The following PLEKHG2 variants were observed in gnomAD, a reference collection of about 807,000 sequenced individuals.
The protein encoded by PLEKHG2 is pleckstrin homology domain-containing family G member 2.
A neutral mutation model predicts 104.4 loss-of-function variants in PLEKHG2; 71 were observed. The ratio of observed to expected loss-of-function variants is 0.68; its 90% CI spans 0.56 to 0.83. The LOEUF (loss-of-function observed/expected upper bound fraction) is 0.83, where lower values mean the gene tolerates loss of function less well. PLEKHG2 is among the 40% of genes least tolerant of loss of function. The probability of loss-of-function intolerance (pLI) is 0.00; values close to 1 mark genes in which losing one functional copy is unlikely to be tolerated. For synonymous variants in PLEKHG2, 728 were observed against 737.0 expected, an observed-to-expected ratio of 0.99 and a Z score of 0.20; for missense variants, 1,730 against 1,809.4, an observed-to-expected ratio of 0.96 and a Z score of 0.80.
In PLEKHG2 at chr19:39,424,524, T is replaced by A; in HGVS notation, c.3391T>A (p.Leu1131Met). Residue 1131 changes from leucine to methionine, a missense_variant, in exon 19 of 19, where the codon TTG becomes ATG. Physicochemically the swap from Leu to Met is conservative, Grantham distance 15 (BLOSUM62 2). Transcript: ENST00000425673. ...HRIPANAPLS[L>M]SQELPDTQVP... is the part of the protein sequence containing the mutation. Reference sequence around the variant, plus strand: ...GATCCCAGCCAACGCCCCACTGTCTTTGTCCCAGGAGCTCCCAGACACTCA... The same window carrying A: ...GATCCCAGCCAACGCCCCACTGTCTATGTCCCAGGAGCTCCCAGACACTCA... The A allele has an allele frequency of 6.2e-7, 1 of 1,614,056 alleles. No individual in the cohort carries two copies. The highest frequency in any genetic ancestry group is 8.5e-7 in the Non-Finnish European group (1 of 1,180,002).
Position 39,422,814 on chromosome 19 carries a change from C to T in PLEKHG2, c.1760C>T (p.Pro587Leu), listed in dbSNP as rs542939527. 1 of 1,541,538 alleles carries T rather than the reference C, an allele frequency of 6.5e-7. No homozygotes were observed. Among genetic ancestry groups the T allele is most frequent in the South Asian group, 1.3e-5 (1 of 78,376 alleles). Residue 587 changes from proline (P) to leucine (L), a missense_variant, in exon 18 of 19, where the codon CCC becomes CTC. By Grantham distance (98) the Pro-to-Leu change is moderately conservative. Transcript: ENST00000425673. Reference sequence around the variant, plus strand: ...GAAACCCTCACATTCCAAGCCCTGCCCAGCCGGGACTCTTCAGAAGAGGAG... The same window carrying T: ...GAAACCCTCACATTCCAAGCCCTGCTCAGCCGGGACTCTTCAGAAGAGGAG... The part of the protein sequence containing the change: ...DSETLTFQAL[P>L]SRDSSEEEEE...
In PLEKHG2 at chr19:39,418,937, G is replaced by A. The variant is rs776611613; in HGVS notation, c.1197G>A (p.Lys399=). 3.7e-6 allele frequency: 6 copies of A among 1,612,802 alleles called. No individual in the cohort carries two copies. The highest frequency in any genetic ancestry group is 8.5e-7 in the Non-Finnish European group (1 of 1,179,438). The change falls in exon 11 of 19, where the codon AAG becomes AAA. Residue 399 remains lysine (K), a synonymous_variant. Transcript: ENST00000425673. ...CCTAGGCCAAGAACCAAGAAGAGAA[G>A]AGGCTGTGGATTCACTGTCTCCAGC... The part of the protein sequence containing the change: ...HLLQAKNQEE[K]RLWIHCLQRL...
rs1185202582 is a variant in PLEKHG2, at chr19:39,425,626, C to T, written c.*332C>T. 1 of 406,806 alleles carries T rather than the reference C, an allele frequency of 2.5e-6. No individual in the cohort carries two copies. Among genetic ancestry groups the T allele is most frequent in the African/African-American group, 2.1e-5 (1 of 48,648 alleles). 25.2% of individuals were successfully genotyped at this position (406,806 alleles called of 1,614,324 possible). A position where few individuals can be genotyped will look rare whatever the true frequency, so the allele number is the denominator to read the frequency against. The stretch of plus-strand genomic sequence containing the variant: ...CTGAAAGCTTGGGGAATCTCAGACT[C>T]CTTTGAGAATTATTGGAAAATGGAC... On this transcript the variant is annotated 3_prime_UTR_variant, in exon 19 of 19. Transcript: ENST00000425673.
At chr19:39,414,222 G>T in intron 2 of PLEKHG2, 27 bp downstream of exon 2, 1 of 1,545,230 alleles carries the variant, frequency 6.5e-7, no homozygotes, top group South Asian at 1.2e-5. Flanking sequence ...GGGCGGCGGA[G>T]CCTGTGGGGC....
intron 2 of PLEKHG2, 31 bp downstream of exon 2, chr19:39,414,226 G>A (rs1484797975): frequency 1.3e-6 from 2 of 1,544,390 alleles, no homozygotes; most frequent in South Asian, 1.2e-5. Context: ...GGCGGAGCCT[G>A]TGGGGCTTTT....
In PLEKHG2 at chr19:39,415,267, C is replaced by A. The variant is rs368379229; in HGVS notation, c.378+7C>A. On this transcript the variant is annotated splice_region_variant and intron_variant, in intron 3 of 18. Coordinates refer to ENST00000425673, the MANE Select transcript of PLEKHG2 (RefSeq NM_022835.3). The surrounding 1 kb of genome is among the most constrained non-coding windows in gnomAD (Gnocchi z 4.6). ...CCTCCGCAGCATCGTGGAGGTAAGG[C>A]GGGCAGACACCAGAGGGCAGTGGGT... The A allele has an allele frequency of 1.3e-6, 2 of 1,596,642 alleles. No homozygotes were observed. Among genetic ancestry groups the A allele is most frequent in the Non-Finnish European group, 1.7e-6 (2 of 1,171,144 alleles).
At position 39,423,361 on chromosome 19, in the gene PLEKHG2, C is replaced by T. The variant is rs771939642; in HGVS notation, c.2307C>T (p.Ser769=). 18 of 1,613,324 alleles carry T rather than the reference C, an allele frequency of 1.1e-5. No individual in the cohort carries two copies. The highest frequency in any genetic ancestry group is 1.1e-4 in the South Asian group (10 of 91,020). The change falls in exon 18 of 19, where the codon AGC becomes AGT. Residue 769 remains serine (S), a synonymous_variant. Transcript: ENST00000425673. ...LAFRSCSEIR[S]AWQALEQGQL... is the part of the protein sequence containing the mutation. ...TCCGCTCTTGCTCAGAAATCCGGAG[C>T]GCCTGGCAGGCATTGGAACAGGGAC...
At position 39,416,632 on chromosome 19, in the gene PLEKHG2, G is replaced by T; in HGVS notation, c.593+35G>T. ...AGGAGCCCCTGCTGGGCCTCAGGCTGTGCCCACAAGCTGATGTGCCAGTCA... is the reference window on the plus strand; with the variant it reads ...AGGAGCCCCTGCTGGGCCTCAGGCTTTGCCCACAAGCTGATGTGCCAGTCA... On this transcript the variant is annotated intron_variant, in intron 6 of 18. Transcript: ENST00000425673. This position sits in a 1 kb window ranked among gnomAD's most constrained non-coding sequence, Gnocchi z 4.5. The T allele has an allele frequency of 6.2e-7, 1 of 1,611,482 alleles. No homozygotes were observed. Among genetic ancestry groups the T allele is most frequent in the Non-Finnish European group, 8.5e-7 (1 of 1,178,080 alleles).
rs750050786 is a variant in PLEKHG2, at chr19:39,423,190, G to A, written c.2136G>A (p.Leu712=). ...AGGCTCCAGCCACCAGGAGAGAACT[G>A]TTTTCTGGGAGCAATCCTGGGAAAC... ...PAEAPATRRE[L]FSGSNPGKLG... The change falls in exon 18 of 19, where the codon CTG becomes CTA. Residue 712 remains leucine (L), a synonymous_variant. Transcript: ENST00000425673. 6.2e-7 allele frequency: 1 copy of A among 1,612,790 alleles called. No individual in the cohort carries two copies. Among genetic ancestry groups the A allele is most frequent in the South Asian group, 1.1e-5 (1 of 91,048 alleles).
rs534628607 is a variant in PLEKHG2, at chr19:39,424,260, G to A, written c.3127G>A (p.Gly1043Ser). The change falls in exon 19 of 19, where the codon GGT (glycine) becomes AGT (serine). Residue 1043 changes from glycine to serine, a missense_variant. Physicochemically the swap from Gly to Ser is moderately conservative, Grantham distance 56. Transcript: ENST00000425673. ...SVTTPVPKQEGHLDSESPTNI... is the reference protein window; with the variant it reads ...SVTTPVPKQESHLDSESPTNI... ...CACCACCCCTGTGCCCAAGCAAGAA[G>A]GTCACCTAGACAGCGAGAGCCCAAC... 34 of 1,614,152 alleles carry A rather than the reference G, an allele frequency of 2.1e-5. No homozygotes were observed. The African/African-American group carries it at 2.3e-4, about 11-fold the overall frequency.
Position 39,427,429 on chromosome 19 carries a change from G to A in PLEKHG2, c.*2135G>A, listed in dbSNP as rs914519332. 2.0e-5 allele frequency: 3 copies of A among 151,602 alleles called. No homozygotes were observed. The highest frequency in any genetic ancestry group is 2.9e-5 in the Non-Finnish European group (2 of 68,010). 9.4% of individuals were successfully genotyped at this position (151,602 alleles called of 1,614,324 possible). A position where few individuals can be genotyped will look rare whatever the true frequency, so the allele number is the denominator to read the frequency against. ...GGCTCACTGCAACCTCTGCCTCCCA[G>A]GTTCAAGTGATTCTCCTGCCTCTAG... On this transcript the variant is annotated 3_prime_UTR_variant, in exon 19 of 19. Coordinates refer to ENST00000425673, the MANE Select transcript of PLEKHG2 (RefSeq NM_022835.3).
At position 39,422,108 on chromosome 19, in the gene PLEKHG2, C is replaced by G. The variant is rs751031757; in HGVS notation, c.1504-7C>G. 10 of 1,603,612 alleles carry G rather than the reference C, an allele frequency of 6.2e-6. No individual in the cohort carries two copies. The East Asian group carries it at 2.3e-4, about 36-fold the overall frequency. On this transcript the variant is annotated splice_polypyrimidine_tract_variant and splice_region_variant and intron_variant, in intron 16 of 18. Transcript: ENST00000425673. ...CTCTTGCCTTCCATTGCTTTCCCTCCTCACAGCACGCTGGCAGCGAAGGGG... is the reference window on the plus strand; with the variant it reads ...CTCTTGCCTTCCATTGCTTTCCCTCGTCACAGCACGCTGGCAGCGAAGGGG...
chr19:39,420,360 C>CAA (rs35833915), intron 11 of PLEKHG2, among the ~76,000 whole-genome samples: 2 of 122,432 alleles, frequency 1.6e-5, no homozygotes, highest in East Asian at 2.3e-4. Flanking sequence ...ATCTCCGTCT[C>CAA]AAAAAAAAAA....
intron 16 of PLEKHG2, 145 bp downstream of exon 16, chr19:39,421,444 G>C: frequency 1.1e-5 from 11 of 983,090 alleles, no homozygotes; most frequent in Non-Finnish European, 1.7e-5. Flanking sequence ...TCAGTATTTT[G>C]GGAGGTCAAG....
chr19:39,420,598 CCT>C, intron 11 of PLEKHG2, 26 bp from the exon 12 acceptor site: 4 of 1,614,130 alleles, frequency 2.5e-6, no homozygotes, highest in Non-Finnish European at 3.4e-6. Flanking sequence ...GATCGACCCA[CCT>C]CAGCCCTCAT....
Position 39,416,480 on chromosome 19 carries a change from T to C in PLEKHG2, c.546+66T>C. 2 of 1,580,584 alleles carry C rather than the reference T, an allele frequency of 1.3e-6. No homozygotes were observed. Among genetic ancestry groups the C allele is most frequent in the Non-Finnish European group, 1.7e-6 (2 of 1,153,234 alleles). On this transcript the variant is annotated intron_variant, in intron 5 of 18. Coordinates refer to ENST00000425673, the MANE Select transcript of PLEKHG2 (RefSeq NM_022835.3). This position sits in a 1 kb window ranked among gnomAD's most constrained non-coding sequence, Gnocchi z 4.5. The stretch of plus-strand genomic sequence containing the variant: ...CTTTGTAGAGGGGGGAGAGCAGGCT[T>C]GGGCTAGGCTGGAAGGGGGGTCGTG...
rs1311575326 is a variant in PLEKHG2, at chr19:39,427,416, C to T, written c.*2122C>T. 1.3e-5 allele frequency: 2 copies of T among 151,848 alleles called. No homozygotes were observed. Among genetic ancestry groups the T allele is most frequent in the African/African-American group, 4.8e-5 (2 of 41,274 alleles). 9.4% of individuals were successfully genotyped at this position (151,848 alleles called of 1,614,324 possible). ...ATAGCATGATCTCGGCTCACTGCAACCTCTGCCTCCCAGGTTCAAGTGATT... is the reference window on the plus strand; with the variant it reads ...ATAGCATGATCTCGGCTCACTGCAATCTCTGCCTCCCAGGTTCAAGTGATT... On this transcript the variant is annotated 3_prime_UTR_variant, in exon 19 of 19. Transcript: ENST00000425673.
rs536460211 is a variant in PLEKHG2, at chr19:39,423,429, A to T, written c.2375A>T (p.Glu792Val). Residue 792 changes from glutamate to valine, a missense_variant, in exon 18 of 19, where the codon GAG becomes GTG. Transcript: ENST00000425673. ...PGFPEPLLIL[E>V]DSDLGGDSGS... ...TTCCCAGAGCCACTGCTGATCCTGG[A>T]GGATTCGGATCTGGGTGGAGACAGC... The T allele has an allele frequency of 6.2e-7, 1 of 1,611,030 alleles. No individual in the cohort carries two copies. The highest frequency in any genetic ancestry group is 1.7e-5 in the Admixed American group (1 of 59,540).
rs751975216 is a variant in PLEKHG2, at chr19:39,425,220, C to T, written c.4087C>T (p.Leu1363Phe). ...CCAGGTCCGGTTGAACCACCCTGCT[C>T]TCTTGGCCTCCACACAGGAATCTAT... ...KAQVRLNHPA[L>F]LASTQESMGL... The change falls in exon 19 of 19, where the codon CTC (leucine) becomes TTC (phenylalanine). Residue 1363 changes from leucine (L) to phenylalanine (F), a missense_variant. By Grantham distance (22) the Leu-to-Phe change is conservative (BLOSUM62 0). Transcript: ENST00000425673. The T allele has an allele frequency of 5.2e-5, 84 of 1,613,322 alleles. No homozygotes were observed. Among genetic ancestry groups the T allele is most frequent in the Non-Finnish European group, 6.5e-5 (77 of 1,179,992 alleles).
Sources: allele counts gnomAD v4.1 joint callset (sites outside exome capture counted in the v4.1 genomes callset), GRCh38; gene constraint gnomAD v4.1.1; non-coding constraint Gnocchi (gnomAD v3.1); transcripts MANE v1.5; gene names NCBI Gene and HGNC (gene_info 2026-07-23, HGNC 2026-07-21).